Variants in EHBP1 observed in about 807,000 individuals in gnomAD.
The protein encoded by EHBP1 is EH domain binding protein 1, also known as EH domain-binding protein 1.
EHBP1 carries 55 observed loss-of-function variants against 144.0 expected under a neutral mutation model. The ratio of observed to expected loss-of-function variants is 0.38; its 90% CI spans 0.31 to 0.48. The LOEUF (loss-of-function observed/expected upper bound fraction) is 0.48, where lower values mean the gene tolerates loss of function less well. Ranked by LOEUF, EHBP1 falls within the 20% of genes least tolerant of loss-of-function variation. The pLI, the probability that EHBP1 is intolerant of heterozygous loss-of-function variation, is 0.98. For synonymous variants in EHBP1, 469 were observed against 472.7 expected (o/e 0.99, Z 0.10); for missense variants, 1,200 against 1,364.2 (o/e 0.88, Z 1.90).
intron 14 of EHBP1, chr2:62,965,035 C>T (rs2058179670): frequency 6.6e-6 from 1 of 152,538 alleles, no homozygotes; most frequent in Non-Finnish European, 1.5e-5. Flanking sequence ...CCAGAAATAC[C>T]AGGTGAGCTT....
chr2:62,874,255 A>T, intron 9 of EHBP1, 91 bp from the exon 10 acceptor site: 1 of 1,007,660 alleles, frequency 9.9e-7, no homozygotes, highest in South Asian at 2.4e-5. Flanking sequence ...TTGAAAAAAG[A>T]AATTTTAGTT....
chr2:62,781,667 G>A (rs1232134665), intron 5 of EHBP1, among the ~76,000 whole-genome samples: 3 of 152,132 alleles, frequency 2.0e-5, no homozygotes, highest in African/African-American at 7.2e-5. Context: ...AGGCTTCTTT[G>A]TGCAACAGCA....
intron 19 of EHBP1, among the ~76,000 whole-genome samples, chr2:63,020,889 G>C (rs2060713293): frequency 6.6e-6 from 1 of 151,326 alleles, no homozygotes; most frequent in South Asian, 2.1e-4. Flanking sequence ...TGTTGGCCAG[G>C]ATGGTCTTGA....
chr2:63,025,286 G>A (rs2060927109), intron 19 of EHBP1, among the ~76,000 whole-genome samples: 1 of 152,194 alleles, frequency 6.6e-6, no homozygotes, highest in Admixed American at 6.5e-5. Context: ...ATTTTAGACA[G>A]GGTTTTGATC....
At chr2:63,040,961 T>TTGC (rs1444885093) in intron 21 of EHBP1, among the ~76,000 whole-genome samples, 1 of 152,250 alleles carries the variant, frequency 6.6e-6, no homozygotes, top group Non-Finnish European at 1.5e-5. Context: ...TAGTTTTGTT[T>TTGC]TGCTTTCTTT....
chr2:62,872,129 T>C (rs999390518), intron 9 of EHBP1: 3 of 152,198 alleles, frequency 2.0e-5, no homozygotes, highest in African/African-American at 7.2e-5. Flanking sequence ...TAGCTTCATT[T>C]TGTATTATTT....
chr2:62,719,507 C>T (rs981743424), intron 2 of EHBP1, among the ~76,000 whole-genome samples: 24 of 152,142 alleles, frequency 1.6e-4, no homozygotes, highest in African/African-American at 5.6e-4. Context: ...CACAAGGGAG[C>T]AAGAGATGTT....
intron 7 of EHBP1, among the ~76,000 whole-genome samples, chr2:62,839,978 G>GA (rs1235045172): frequency 6.6e-6 from 1 of 152,084 alleles, no homozygotes; most frequent in Non-Finnish European, 1.5e-5. Context: ...CACAGAATTG[G>GA]AAAAAACTAC....
At chr2:63,011,260 T>C (rs187487958) in intron 19 of EHBP1, among the ~76,000 whole-genome samples, 16 of 151,836 alleles carry the variant, frequency 1.1e-4, no homozygotes, top group African/African-American at 3.9e-4. Context: ...TTATTCTAAC[T>C]ACAATTGTTG....
At chr2:62,779,980 A>G (rs898618642) in intron 5 of EHBP1, among the ~76,000 whole-genome samples, 1 of 152,130 alleles carries the variant, frequency 6.6e-6, no homozygotes, top group Non-Finnish European at 1.5e-5. Flanking sequence ...TTCAGATATT[A>G]TATCATTTCT....
At chr2:62,951,466 T>C (rs1362084072) in intron 13 of EHBP1, among the ~76,000 whole-genome samples, 2 of 150,546 alleles carry the variant, frequency 1.3e-5, no homozygotes, top group Non-Finnish European at 3.0e-5. Context: ...ATCTAGTGAT[T>C]GACAATTTCA....
intron 7 of EHBP1, among the ~76,000 whole-genome samples, chr2:62,858,198 T>C (rs2049223610): frequency 1.3e-5 from 2 of 152,222 alleles, no homozygotes; most frequent in African/African-American, 2.4e-5. Flanking sequence ...ATTTTAACAA[T>C]AAAATGCTTT....
In EHBP1 at chr2:62,698,808, T is replaced by A. The variant is rs368406098; in HGVS notation, c.-295-8089T>A. ...GCCCTTGCCCTGGAATTTTTCTCTA[T>A]CTTGCCCTGCCCAGAAGATTGCCCA... On this transcript the variant is annotated intron_variant, in intron 1 of 22. Transcript: ENST00000405015. 2.0e-5 allele frequency among the ~76,000 whole-genome samples: 3 copies of A among 152,334 alleles called. No individual in the cohort carries two copies. In the South Asian group the frequency reaches 6.2e-4, roughly 32 times the overall value.
chr2:63,036,937 A>T (rs998259245), intron 19 of EHBP1, among the ~76,000 whole-genome samples: 5 of 149,780 alleles, frequency 3.3e-5, no homozygotes, highest in African/African-American at 9.8e-5. Flanking sequence ...TGTTCATTAA[A>T]TTTTTTTTTT....
intron 2 of EHBP1, among the ~76,000 whole-genome samples, chr2:62,725,805 G>T (rs556814345): frequency 6.6e-6 from 1 of 152,308 alleles, no homozygotes; most frequent in East Asian, 1.9e-4. Flanking sequence ...GTGGGGGGTT[G>T]TCATGATTGG....
At chr2:62,804,490 A>G (rs1393693458) in intron 5 of EHBP1, among the ~76,000 whole-genome samples, 1 of 152,244 alleles carries the variant, frequency 6.6e-6, no homozygotes, top group Non-Finnish European at 1.5e-5. Flanking sequence ...AAAAGAGAAT[A>G]GAAGTGAATA....
chr2:62,975,931 CACACAT>C lies in EHBP1; in HGVS notation c.2461-3255_2461-3250del, dbSNP rs1188458785. On this transcript the variant is annotated intron_variant, in intron 14 of 22. Coordinates refer to ENST00000431489, the MANE Select transcript of EHBP1 (RefSeq NM_001142616.3). ...ACACACACACACACACACACACACACACACATATATAGTAGAGCTTTCTGTTATTGA... is the reference window on the plus strand; with the variant it reads ...ACACACACACACACACACACACACACATATAGTAGAGCTTTCTGTTATTGA... 1.8e-4 allele frequency among the ~76,000 whole-genome samples: 26 copies of C among 143,828 alleles called. 1 individual carries two copies. Among genetic ancestry groups the C allele is most frequent in the South Asian group, 4.4e-4 (2 of 4,580 alleles). 94.4% of individuals were successfully genotyped at this position (143,828 alleles called of 152,430 possible).
chr2:62,771,392 T>C lies in EHBP1; in HGVS notation c.312T>C (p.Asn104=), dbSNP rs778182203. The C allele has an allele frequency of 6.3e-7, 1 of 1,591,070 alleles. No homozygotes were observed. The highest frequency in any genetic ancestry group is 8.6e-7 in the Non-Finnish European group (1 of 1,167,964). ...EDKEWTFVIE[N]ESPSGRRKAL... The stretch of plus-strand genomic sequence containing the variant: ...AAGAGTGGACATTTGTCATAGAAAA[T>C]GTAAGCTAATGGCAAATTCCTTCAC... The change falls in exon 5 of 23, where the codon AAT becomes AAC. Residue 104 remains asparagine (N), a splice_region_variant and synonymous_variant. Transcript: ENST00000431489.
At chr2:62,928,544 C>G (rs1470694102) in intron 10 of EHBP1, among the ~76,000 whole-genome samples, 1 of 151,928 alleles carries the variant, frequency 6.6e-6, no homozygotes, top group Non-Finnish European at 1.5e-5. Flanking sequence ...GAAGATGCAG[C>G]TTAATGTCAA....
Sources: allele counts gnomAD v4.1 joint callset (sites outside exome capture counted in the v4.1 genomes callset), GRCh38; gene constraint gnomAD v4.1.1; transcripts MANE v1.5; gene names NCBI Gene and HGNC (gene_info 2026-07-23, HGNC 2026-07-21).